Variants in GPATCH2L observed in about 807,000 individuals in gnomAD.
GPATCH2L encodes the protein G patch domain-containing protein 2-like.
Under a neutral mutation model 57.4 loss-of-function variants are expected in GPATCH2L, and 31 were observed. The observed-to-expected ratio is 0.54, with a 90% CI of 0.41 to 0.73. The LOEUF is 0.73. Ranked by LOEUF, GPATCH2L falls within the 30% of genes least tolerant of loss-of-function variation. The pLI is 0.00. For missense variants in GPATCH2L, 481 were observed against 599.9 expected (o/e 0.80, Z 2.07); for synonymous variants, 199 against 210.7 (o/e 0.94, Z 0.48).
intron 4 of GPATCH2L, among the ~76,000 whole-genome samples, 162 bp downstream of exon 4, chr14:76,172,181 C>T (rs117961049): frequency 4.6e-5 from 7 of 152,318 alleles, no homozygotes; most frequent in Admixed American, 1.3e-4. Context: ...AGTCTCAAAG[C>T]TTAAGGTTCT....
rs1168836872 is a variant in GPATCH2L at position 76,202,916 on chromosome 14, C to T, written c.*1065C>T. On this transcript the variant is annotated 3_prime_UTR_variant, in exon 10 of 10. Coordinates refer to ENST00000261530, the MANE Select transcript of GPATCH2L (RefSeq NM_017926.4). The stretch of plus-strand genomic sequence containing the variant: ...CTGGAGCTGCTGGAGAGAAGCCACG[C>T]TTTCTAGAAAATATTATCAGGAGTG... 6.6e-6 allele frequency: 1 copy of T among 152,228 alleles called. No individual in the cohort carries two copies. Among genetic ancestry groups the T allele is most frequent in the South Asian group, 2.1e-4 (1 of 4,818 alleles). 9.4% of individuals were successfully genotyped at this position (152,228 alleles called of 1,614,324 possible).
chr14:76,197,431 G>C (rs1331618360), intron 9 of GPATCH2L, among the ~76,000 whole-genome samples: 3 of 152,186 alleles, frequency 2.0e-5, no homozygotes, highest in Non-Finnish European at 2.9e-5. Flanking sequence ...AAGTGTACGT[G>C]TGTGGGGGTG....
At chr14:76,220,665 T>A (rs1310276715) in intron 1 of GPATCH2L, among the ~76,000 whole-genome samples, 2 of 152,166 alleles carry the variant, frequency 1.3e-5, no homozygotes, top group Non-Finnish European at 2.9e-5. Context: ...ATTGAATTTT[T>A]ACCAGAATTT....
chr14:76,225,265 CAAAT>C (rs1360675527), intron 1 of GPATCH2L, among the ~76,000 whole-genome samples: 4 of 151,964 alleles, frequency 2.6e-5, no homozygotes, highest in African/African-American at 4.8e-5. Context: ...CAAGAATAAA[CAAAT>C]AAAACAGTGA....
intron 1 of GPATCH2L, among the ~76,000 whole-genome samples, chr14:76,225,287 C>G (rs991389068): frequency 2.0e-5 from 3 of 151,910 alleles, no homozygotes; most frequent in Admixed American, 6.6e-5. Context: ...TGAAACAGAA[C>G]AGAGTCTAGA....
At chr14:76,152,826 A>G (rs1205456906) in intron 1 of GPATCH2L, 1 of 453,062 alleles carries the variant, frequency 2.2e-6, no homozygotes, top group South Asian at 1.6e-5. Flanking sequence ...GAGTTTTTAA[A>G]GCAGTAATTC....
intron 2 of GPATCH2L, among the ~76,000 whole-genome samples, chr14:76,232,799 T>C (rs1054364400): frequency 6.6e-6 from 1 of 152,164 alleles, no homozygotes; most frequent in Non-Finnish European, 1.5e-5. Context: ...ACAATGCACA[T>C]GGAATATTGG....
downstream of GPATCH2L, among the ~76,000 whole-genome samples, chr14:76,217,286 G>A (rs922349198): frequency 5.3e-5 from 8 of 152,092 alleles, no homozygotes; most frequent in Non-Finnish European, 7.4e-5. Context: ...TTATGTGGTC[G>A]TAAACTCTAA....
intron 2 of GPATCH2L, among the ~76,000 whole-genome samples, chr14:76,159,290 T>C (rs910472623): frequency 6.6e-6 from 1 of 152,242 alleles, no homozygotes; most frequent in Admixed American, 6.5e-5. Flanking sequence ...ATTCTTGTGG[T>C]TCCCACTGGC....
In GPATCH2L at chr14:76,154,528, A is replaced by G. The variant is rs143333944; in HGVS notation, c.165A>G (p.Ala55=). The G allele has an allele frequency of 1.1e-4, 181 of 1,614,262 alleles. 1 individual carries two copies. The Middle Eastern group carries it at 1.2e-3, about 10-fold the overall frequency. ...RKRRSDFTHL[A]EHTCCYSEAS... is the part of the protein sequence containing the mutation. Reference sequence around the variant, plus strand: ...GTCGTTCTGACTTCACTCACCTGGCAGAGCATACCTGCTGCTACAGCGAGG... The same window carrying G: ...GTCGTTCTGACTTCACTCACCTGGCGGAGCATACCTGCTGCTACAGCGAGG... Residue 55 remains alanine (A), a synonymous_variant, in exon 2 of 10, where the codon GCA becomes GCG. Transcript: ENST00000261530. The surrounding 1 kb of genome is among the most constrained non-coding windows in gnomAD (Gnocchi z 4.4).
intron 1 of GPATCH2L, among the ~76,000 whole-genome samples, chr14:76,223,585 C>G (rs559511833): frequency 4.6e-5 from 7 of 152,094 alleles, no homozygotes; most frequent in East Asian, 3.9e-4. Flanking sequence ...GATAAATAAG[C>G]CTTTATCAAA....
intron 6 of GPATCH2L, among the ~76,000 whole-genome samples, chr14:76,177,594 T>A (rs2039383406): frequency 6.6e-6 from 1 of 152,104 alleles, no homozygotes; most frequent in African/African-American, 2.4e-5. Flanking sequence ...GAGACTCTTG[T>A]CACTGCACAG....
chr14:76,152,625 A>G (rs2038105369), intron 1 of GPATCH2L: 2 of 455,552 alleles, frequency 4.4e-6, no homozygotes, highest in African/African-American at 2.0e-5. Flanking sequence ...TGCATCCGCG[A>G]CTGGAGATGG....
At chr14:76,158,885 A>G (rs774158036) in intron 2 of GPATCH2L, among the ~76,000 whole-genome samples, 5 of 152,198 alleles carry the variant, frequency 3.3e-5, no homozygotes, top group South Asian at 2.1e-4. Context: ...TTGAAGGTCT[A>G]TCTCTTGAAA....
chr14:76,235,168 C>CAAAAAAAAAAAAAA (rs34157061), intron 2 of GPATCH2L, among the ~76,000 whole-genome samples: 1 of 98,756 alleles, frequency 1.0e-5, no homozygotes, highest in Non-Finnish European at 2.2e-5. Flanking sequence ...AACTCTGTCT[C>CAAAAAAAAAAAAAA]AAAAAAAAAA....
At chr14:76,177,127 C>T (rs1410075454) in intron 6 of GPATCH2L, among the ~76,000 whole-genome samples, 1 of 152,076 alleles carries the variant, frequency 6.6e-6, no homozygotes, top group Non-Finnish European at 1.5e-5. Context: ...CTCACTGCAA[C>T]CTCTGCCTCC....
intron 2 of GPATCH2L, among the ~76,000 whole-genome samples, chr14:76,163,065 A>G (rs1185515295): frequency 2.0e-5 from 3 of 152,190 alleles, no homozygotes; most frequent in Admixed American, 6.5e-5. Flanking sequence ...CATAGGATTG[A>G]CTTTAGTAAA....
intron 3 of GPATCH2L, among the ~76,000 whole-genome samples, chr14:76,169,855 C>G (rs1450470383): frequency 1.3e-5 from 2 of 152,188 alleles, no homozygotes; most frequent in African/African-American, 4.8e-5. Context: ...ATCTATGTAT[C>G]TGGTTTCGTG....
At chr14:76,168,587 G>A (rs1201524298) in intron 3 of GPATCH2L, among the ~76,000 whole-genome samples, 1 of 152,188 alleles carries the variant, frequency 6.6e-6, no homozygotes, top group African/African-American at 2.4e-5. Flanking sequence ...ATGATAGGCG[G>A]CATGGACTTC....
Sources: gnomAD v4.1 joint callset for allele counts (sites outside exome capture counted in the v4.1 genomes callset) on GRCh38, gnomAD v4.1.1 for gene constraint, Gnocchi (gnomAD v3.1) non-coding constraint, MANE v1.5 for transcripts, NCBI Gene and HGNC (gene_info 2026-07-23, HGNC 2026-07-21) for gene names.